The following SOX5 variants were observed in gnomAD, a reference collection of about 807,000 sequenced individuals.
SOX5 encodes SRY-box transcription factor 5.
Under a neutral mutation model 92.0 loss-of-function variants are expected in SOX5, and 9 were observed. That is an observed-to-expected ratio of 0.10 (90% CI 0.06 to 0.17). The LOEUF (loss-of-function observed/expected upper bound fraction) is 0.17. Among genes scored for constraint, SOX5 ranks in the 10% least tolerant of loss-of-function variants. The probability of loss-of-function intolerance (pLI) is 1.00; values close to 1 mark genes in which losing one functional copy is unlikely to be tolerated. For synonymous variants in SOX5, 344 were observed against 336.3 expected, an observed-to-expected ratio of 1.02 and a Z score of -0.25; for missense variants, 642 against 944.5, an observed-to-expected ratio of 0.68 and a Z score of 4.20.
In SOX5 at chr12:24,529,449, A is replaced by T. The variant is rs555061725; in HGVS notation, c.-251+32880T>A. Among the ~76,000 whole-genome samples the T allele has an allele frequency of 9.2e-5, 14 of 152,366 alleles. 1 individual carries two copies. In the South Asian group the frequency reaches 2.9e-3, roughly 32 times the overall value. ...ATAATGAGATATAAATACTCAATTT[A>T]TATACCACATACCTTTTAACGAAAA... On this transcript the variant is annotated intron_variant, in intron 1 of 4. Transcript: ENST00000446891.
intron 3 of SOX5, among the ~76,000 whole-genome samples, chr12:23,812,524 G>T (rs2095894950): frequency 6.6e-6 from 1 of 151,808 alleles, no homozygotes; most frequent in African/African-American, 2.4e-5. Context: ...CTGTTATATG[G>T]TATTAGCTAT....
chr12:24,510,861 C>G (rs1484707511), intron 1 of SOX5, among the ~76,000 whole-genome samples: 2 of 152,110 alleles, frequency 1.3e-5, no homozygotes, highest in Non-Finnish European at 2.9e-5. Context: ...GATATGAGTA[C>G]CCACAGTGAA....
At chr12:23,709,254 A>G (rs1427094234) in intron 6 of SOX5, among the ~76,000 whole-genome samples, 1 of 152,004 alleles carries the variant, frequency 6.6e-6, no homozygotes, top group African/African-American at 2.4e-5. Flanking sequence ...GGTGAGTGCC[A>G]TCATCCCCAG....
intron 3 of SOX5, among the ~76,000 whole-genome samples, chr12:23,776,868 G>A (rs891388403): frequency 1.3e-5 from 2 of 152,138 alleles, no homozygotes; most frequent in Non-Finnish European, 2.9e-5. Flanking sequence ...AACAGGCCAC[G>A]GACCAGTACT....
intron 11 of SOX5, among the ~76,000 whole-genome samples, chr12:23,546,922 G>A (rs902887682): frequency 1.3e-5 from 2 of 152,142 alleles, no homozygotes; most frequent in Non-Finnish European, 2.9e-5. Flanking sequence ...CAAGGGTAAT[G>A]AAGACGTTTA....
intron 4 of SOX5, among the ~76,000 whole-genome samples, chr12:23,957,927 T>A (rs543342051): frequency 2.6e-5 from 4 of 152,260 alleles, no homozygotes; most frequent in African/African-American, 9.6e-5. Context: ...TAATTTGCCC[T>A]GATGCTGAAG....
chr12:24,257,349 A>C (rs1318261804), intron 3 of SOX5, among the ~76,000 whole-genome samples: 1 of 152,252 alleles, frequency 6.6e-6, no homozygotes, highest in East Asian at 1.9e-4. Flanking sequence ...TACAACATAA[A>C]GGTGCATACA....
chr12:23,576,824 T>C (rs1949187096), intron 9 of SOX5, among the ~76,000 whole-genome samples: 1 of 152,078 alleles, frequency 6.6e-6, no homozygotes, highest in Non-Finnish European at 1.5e-5. Context: ...TCGTGTGCTC[T>C]AAAATTGGAA....
chr12:23,713,453 A>G (rs937198242), intron 6 of SOX5, among the ~76,000 whole-genome samples: 2 of 152,138 alleles, frequency 1.3e-5, no homozygotes, highest in African/African-American at 4.8e-5. Flanking sequence ...TACTCTCCCA[A>G]TATATGGTAG....
At chr12:23,984,923 G>A (rs1949917938) in intron 4 of SOX5, among the ~76,000 whole-genome samples, 1 of 152,234 alleles carries the variant, frequency 6.6e-6, no homozygotes, top group South Asian at 2.1e-4. Context: ...TTATGCCAGA[G>A]GTTACAATTT....
At chr12:23,659,335 C>T (rs1230853731) in intron 7 of SOX5, among the ~76,000 whole-genome samples, 1 of 152,156 alleles carries the variant, frequency 6.6e-6, no homozygotes, top group Non-Finnish European at 1.5e-5. Context: ...GTATGAGGAA[C>T]TAATTAACTG....
chr12:24,448,829 C>T (rs1428664454), intron 1 of SOX5, among the ~76,000 whole-genome samples: 2 of 152,112 alleles, frequency 1.3e-5, no homozygotes, highest in Non-Finnish European at 2.9e-5. Flanking sequence ...ATTCACCAAT[C>T]CAATTGCTGC....
chr12:23,771,603 C>T (rs1280613909), intron 3 of SOX5, among the ~76,000 whole-genome samples: 1 of 152,186 alleles, frequency 6.6e-6, no homozygotes, highest in African/African-American at 2.4e-5. Context: ...TATCCTTTTC[C>T]AGATATAGTG....
At chr12:24,554,186 T>C (rs1051815784) in intron 1 of SOX5, among the ~76,000 whole-genome samples, 4 of 152,192 alleles carry the variant, frequency 2.6e-5, no homozygotes, top group African/African-American at 9.7e-5. Flanking sequence ...CAGCTCTTAG[T>C]AGTCCTGAAT....
At chr12:24,095,868 A>T (rs886825875) in intron 4 of SOX5, among the ~76,000 whole-genome samples, 1 of 152,126 alleles carries the variant, frequency 6.6e-6, no homozygotes, top group Non-Finnish European at 1.5e-5. Flanking sequence ...CTTCCTCTTC[A>T]CTTTCTGCCA....
At chr12:24,448,595 A>G (rs532220074) in intron 1 of SOX5, among the ~76,000 whole-genome samples, 1 of 152,288 alleles carries the variant, frequency 6.6e-6, no homozygotes, top group South Asian at 2.1e-4. Flanking sequence ...ACCACTTAAT[A>G]AATAAGAGGA....
intron 2 of SOX5, among the ~76,000 whole-genome samples, chr12:24,366,656 T>G (rs766552719): frequency 6.6e-6 from 1 of 152,168 alleles, no homozygotes; most frequent in African/African-American, 2.4e-5. Context: ...AATATTTGCA[T>G]AGCTGACTCC....
intron 12 of SOX5, among the ~76,000 whole-genome samples, chr12:23,545,555 T>C (rs531829111): frequency 1.1e-4 from 17 of 152,144 alleles, no homozygotes; most frequent in African/African-American, 4.1e-4. Context: ...TCTAGTTAGG[T>C]TATAGAGAGT....
chr12:24,065,452 T>A (rs961634438), intron 4 of SOX5, among the ~76,000 whole-genome samples: 22 of 151,736 alleles, frequency 1.4e-4, no homozygotes, highest in African/African-American at 4.8e-4. Context: ...ATCGAGAACA[T>A]CCTGACTAAC....
Sources: allele counts gnomAD v4.1 joint callset (sites outside exome capture counted in the v4.1 genomes callset), GRCh38; gene constraint gnomAD v4.1.1; transcripts MANE v1.5; gene names NCBI Gene and HGNC (gene_info 2026-07-23, HGNC 2026-07-21).